Variants in DNAAF5 observed in about 807,000 individuals in gnomAD.
DNAAF5 encodes the protein HEAT repeat containing 2.
DNAAF5 carries 64 observed loss-of-function variants against 75.8 expected under a neutral mutation model. That is an observed-to-expected ratio of 0.84 (90% CI 0.69 to 1.04). DNAAF5 has a LOEUF of 1.04. DNAAF5 is among the 50% of genes least tolerant of loss of function. DNAAF5 has a pLI of 0.00. For missense variants in DNAAF5, 1,269 were observed against 1,178.5 expected (o/e 1.08, Z -1.12); for synonymous variants, 657 against 557.2 (o/e 1.18, Z -2.52).
chr7:764,879 T>C (rs1172014115), intron 8 of DNAAF5, among the ~76,000 whole-genome samples: 1 of 152,124 alleles, frequency 6.6e-6, no homozygotes, highest in East Asian at 1.9e-4. Context: ...GAGACCAGCC[T>C]GGCCAACACG....
At chr7:779,757 C>G (rs1778873726) in intron 11 of DNAAF5, 196 bp from the exon 12 acceptor site, 20 of 573,882 alleles carry the variant, frequency 3.5e-5, no homozygotes, top group Middle Eastern at 4.7e-4. Flanking sequence ...ACTCTGTTGG[C>G]TGGGGTTCAG....
intron 2 of DNAAF5, among the ~76,000 whole-genome samples, chr7:734,492 T>G (rs1781673916): frequency 6.6e-6 from 1 of 152,192 alleles, no homozygotes; most frequent in Admixed American, 6.5e-5. Flanking sequence ...GTTGAAACAG[T>G]GGAAACTTTG....
At chr7:745,722 A>G (rs891604704) in intron 4 of DNAAF5, among the ~76,000 whole-genome samples, 1 of 152,232 alleles carries the variant, frequency 6.6e-6, no homozygotes, top group East Asian at 1.9e-4. Flanking sequence ...TATCACACGT[A>G]CGTGTGTGTG....
At chr7:770,697 A>C in intron 9 of DNAAF5, 79 bp downstream of exon 9, 5 of 1,393,980 alleles carry the variant, frequency 3.6e-6, no homozygotes, top group Non-Finnish European at 5.0e-6. Flanking sequence ...CCAACAGCTC[A>C]CTGAGCAAGG....
At chr7:781,917 C>T (rs977008207) in intron 12 of DNAAF5, among the ~76,000 whole-genome samples, 1 of 152,268 alleles carries the variant, frequency 6.6e-6, no homozygotes, top group Non-Finnish European at 1.5e-5. Context: ...TTCTAAGATA[C>T]AGTCTCCCAT....
At chr7:727,935 C>A (rs1057234100) in intron 1 of DNAAF5, among the ~76,000 whole-genome samples, 5 of 151,632 alleles carry the variant, frequency 3.3e-5, no homozygotes, top group Non-Finnish European at 7.4e-5. Context: ...TAGCTGCCCC[C>A]TTTCCTTCCC....
At chr7:767,225 C>A (rs7796281) in intron 8 of DNAAF5, among the ~76,000 whole-genome samples, 2 of 143,838 alleles carry the variant, frequency 1.4e-5, no homozygotes, top group Non-Finnish European at 3.0e-5. Flanking sequence ...GGCGACAGAG[C>A]GAGACTCGGT....
chr7:777,727 A>T (rs1174480491), intron 11 of DNAAF5, among the ~76,000 whole-genome samples: 1 of 152,194 alleles, frequency 6.6e-6, no homozygotes, highest in Non-Finnish European at 1.5e-5. Context: ...GGAACTTCAC[A>T]CTCTGTGTAC....
chr7:735,482 T>C (rs1416119883), intron 2 of DNAAF5, among the ~76,000 whole-genome samples: 1 of 151,514 alleles, frequency 6.6e-6, no homozygotes, highest in Non-Finnish European at 1.5e-5. Context: ...TAGCTGCTCA[T>C]GGTGTCGTTG....
In DNAAF5 at chr7:727,184, T is replaced by C; in HGVS notation, c.464T>C (p.Leu155Pro). 1 of 1,338,282 alleles carries C rather than the reference T, an allele frequency of 7.5e-7. No homozygotes were observed. Among genetic ancestry groups the C allele is most frequent in the Non-Finnish European group, 9.6e-7 (1 of 1,040,330 alleles). The allele number at this position is 1,338,282 out of a possible 1,614,324, so 82.9% of individuals were successfully genotyped here. Residue 155 changes from leucine to proline, a missense_variant, in exon 1 of 13, where the codon CTG becomes CCG. Physicochemically the swap from Leu to Pro is moderately conservative, Grantham distance 98. Coordinates refer to ENST00000297440, the MANE Select transcript of DNAAF5 (RefSeq NM_017802.4). ...CAGCTGCTGGGCCTGGCCGTGGACC[T>C]GTGCGGCGCCGCGCTCGCGCCCCAC... ...LVQLLGLAVD[L>P]CGAALAPHLD...
At chr7:781,328 C>T (rs934986981) in intron 12 of DNAAF5, among the ~76,000 whole-genome samples, 1 of 152,190 alleles carries the variant, frequency 6.6e-6, no homozygotes, top group Non-Finnish European at 1.5e-5. Context: ...CCTCCACTTC[C>T]CTCCATGTTG....
Position 770,634 on chromosome 7 carries a change from G to A in DNAAF5, c.1931+16G>A, listed in dbSNP as rs367818204. ...ACTCCCAGGGGTAGGTCCGGGCTCTGCCTCTGCACGGCCCCCAGCTGGGGC... is the reference window on the plus strand; with the variant it reads ...ACTCCCAGGGGTAGGTCCGGGCTCTACCTCTGCACGGCCCCCAGCTGGGGC... On this transcript the variant is annotated intron_variant, in intron 9 of 12. Transcript: ENST00000297440. The A allele has an allele frequency of 5.1e-5, 82 of 1,609,380 alleles. No individual in the cohort carries two copies. The highest frequency in any genetic ancestry group is 6.5e-5 in the Non-Finnish European group (77 of 1,177,910).
intron 9 of DNAAF5, chr7:770,830 G>C: frequency 1.9e-6 from 1 of 525,448 alleles, no homozygotes. Flanking sequence ...TCTAAGGTGG[G>C]CCGGGGGTCC....
chr7:775,091 G>C lies in DNAAF5; in HGVS notation c.2168G>C (p.Arg723Pro), dbSNP rs756813208. 1.1e-5 allele frequency: 17 copies of C among 1,613,890 alleles called. No homozygotes were observed. The highest frequency in any genetic ancestry group is 2.7e-5 in the African/African-American group (2 of 74,872). ...AAGATGACGCGACTGATCTCATGCC[G>C]TATTATCAACACGTTCTTAAAAACC... is the stretch of plus-strand genomic sequence containing the variant. ...DSKMTRLISC[R>P]IINTFLKTSG... The change falls in exon 11 of 13, where the codon CGT becomes CCT. Residue 723 changes from arginine to proline, a missense_variant. Arg to Pro is a moderately radical substitution (Grantham distance 103). Coordinates refer to ENST00000297440, the MANE Select transcript of DNAAF5 (RefSeq NM_017802.4).
intron 5 of DNAAF5, 76 bp from the exon 6 acceptor site, chr7:756,706 C>T (rs1782495698): frequency 1.5e-6 from 2 of 1,376,846 alleles, no homozygotes; most frequent in Non-Finnish European, 2.0e-6. Context: ...GTCTGGGAGG[C>T]CACGGCGCCG....
In DNAAF5 at chr7:726,865, G is replaced by T; in HGVS notation, c.145G>T (p.Ala49Ser). ...CGACAGCAAGCCGGGCCGGCGGCGC[G>T]CCTTGGAGGCCCTGCGGCGCGCGCT... ...EADSKPGRRR[A>S]LEALRRALEE... Residue 49 changes from alanine to serine, a missense_variant, in exon 1 of 13, where the codon GCC becomes TCC. By Grantham distance (99) the Ala-to-Ser change is moderately conservative. Transcript: ENST00000297440. The T allele has an allele frequency of 7.6e-7, 1 of 1,317,526 alleles. No homozygotes were observed. The highest frequency in any genetic ancestry group is 9.6e-7 in the Non-Finnish European group (1 of 1,036,500). 81.6% of individuals were successfully genotyped at this position (1,317,526 alleles called of 1,614,324 possible).
intron 11 of DNAAF5, among the ~76,000 whole-genome samples, chr7:779,491 C>T (rs539491774): frequency 3.3e-5 from 5 of 152,362 alleles, no homozygotes; most frequent in South Asian, 4.1e-4. Flanking sequence ...CTTCTGTTTT[C>T]AGCAGCAGAA....
Position 775,136 on chromosome 7 carries a change from C to T in DNAAF5, c.2213C>T (p.Pro738Leu), listed in dbSNP as rs1415227443. The change falls in exon 11 of 13, where the codon CCA becomes CTA. Residue 738 changes from proline to leucine, a missense_variant. Physicochemically the swap from Pro to Leu is moderately conservative, Grantham distance 98. Coordinates refer to ENST00000297440, the MANE Select transcript of DNAAF5 (RefSeq NM_017802.4). ...FLKTSGGMTD[P>L]EKLIRIYPEL... is the part of the protein sequence containing the mutation. ...AAAACCTCGGGCGGCATGACGGATC[C>T]AGAGAAACTCATCAGGATTTATCCT... 6.2e-7 allele frequency: 1 copy of T among 1,614,124 alleles called. No homozygotes were observed. The highest frequency in any genetic ancestry group is 1.7e-5 in the Admixed American group (1 of 60,018).
At chr7:767,225 C>G (rs7796281) in intron 8 of DNAAF5, among the ~76,000 whole-genome samples, 1 of 143,906 alleles carries the variant, frequency 6.9e-6, no homozygotes, top group East Asian at 2.1e-4. Context: ...GGCGACAGAG[C>G]GAGACTCGGT....
Sources: allele counts gnomAD v4.1 joint callset (sites outside exome capture counted in the v4.1 genomes callset), GRCh38; gene constraint gnomAD v4.1.1; transcripts MANE v1.5; gene names NCBI Gene and HGNC (gene_info 2026-07-23, HGNC 2026-07-21).